Variants in TGM4 observed in about 807,000 individuals in gnomAD.
The protein encoded by TGM4 is protein-glutamine gamma-glutamyltransferase 4.
TGM4 carries 61 observed loss-of-function variants against 76.3 expected under a neutral mutation model. That is an observed-to-expected ratio of 0.80 (90% CI 0.65 to 0.99). The LOEUF (loss-of-function observed/expected upper bound fraction) is 0.99, where lower values mean the gene tolerates loss of function less well. TGM4 is among the 50% of genes least tolerant of loss of function. TGM4 has a pLI of 0.00. For missense variants in TGM4, 794 were observed against 843.2 expected (o/e 0.94, Z 0.72); for synonymous variants, 337 against 329.8 (o/e 1.02, Z -0.24).
chr3:44,909,775 A>G (rs1365916530), intron 10 of TGM4, among the ~76,000 whole-genome samples: 1 of 152,212 alleles, frequency 6.6e-6, no homozygotes, highest in Non-Finnish European at 1.5e-5. Flanking sequence ...TGCTCCTTAG[A>G]TTATTATAAG....
Position 44,903,945 on chromosome 3 carries a change from G to C in TGM4, c.1033G>C (p.Gly345Arg). ...ACCGGATCTGCCCAAGGGCTACGAC[G>C]GCTGGCAGGCTGTGGACGCAACGCC... ...KRPDLPKGYDGWQAVDATPQE... is the reference protein window; with the variant it reads ...KRPDLPKGYDRWQAVDATPQE... The change falls in exon 9 of 14, where the codon GGC becomes CGC. Residue 345 changes from glycine (G) to arginine (R), a missense_variant. Transcript: ENST00000296125. 1 of 1,614,166 alleles carries C rather than the reference G, an allele frequency of 6.2e-7. No homozygotes were observed. Among genetic ancestry groups the C allele is most frequent in the Non-Finnish European group, 8.5e-7 (1 of 1,180,046 alleles).
At chr3:44,912,962 T>C (rs1700024280) in intron 13 of TGM4, among the ~76,000 whole-genome samples, 2 of 152,266 alleles carry the variant, frequency 1.3e-5, no homozygotes, top group African/African-American at 4.8e-5. Context: ...GTTTTGTTTC[T>C]GAGAGGTTTC....
chr3:44,889,126 T>A (rs1367553431), intron 3 of TGM4: 3 of 121,988 alleles, frequency 2.5e-5, no homozygotes, highest in Non-Finnish European at 1.6e-5. Context: ...CAGTAAGAGG[T>A]AGAGCTGGCC....
In TGM4 at chr3:44,885,527, C is replaced by G. The variant is rs546645441; in HGVS notation, c.193+29C>G. The G allele has an allele frequency of 1.8e-4, 294 of 1,595,268 alleles. 2 individuals carry two copies. The South Asian group carries it at 3.1e-3, about 17-fold the overall frequency. On this transcript the variant is annotated intron_variant, in intron 2 of 13. Coordinates refer to ENST00000296125, the MANE Select transcript of TGM4 (RefSeq NM_003241.4). ...AAGCCTCGGGGCCCTACTCATGGGG[C>G]TTTGGGGAGGGATCACAAGTGTCTG... is the stretch of plus-strand genomic sequence containing the variant.
chr3:44,889,332 A>G (rs76641342), intron 3 of TGM4, among the ~76,000 whole-genome samples: 3,118 of 152,246 alleles, frequency 0.02, 54 homozygotes, highest in Middle Eastern at 0.065. Flanking sequence ...CGCCAGCACC[A>G]GCTTCTCTCC....
intron 1 of TGM4, among the ~76,000 whole-genome samples, chr3:44,883,439 T>C (rs1699558945): frequency 6.6e-6 from 1 of 152,330 alleles, no homozygotes; most frequent in East Asian, 1.9e-4. Flanking sequence ...CCTCACCAGA[T>C]GCTAGTGCCT....
At chr3:44,885,237 G>A in intron 1 of TGM4, 88 bp from the exon 2 acceptor site, 10 of 1,379,938 alleles carry the variant, frequency 7.2e-6, no homozygotes, top group Non-Finnish European at 8.9e-6. Flanking sequence ...CCACCTCAAT[G>A]CACTCTCAGA....
chr3:44,906,817 G>C, intron 9 of TGM4, 132 bp from the exon 10 acceptor site: 1 of 1,145,322 alleles, frequency 8.7e-7, no homozygotes, highest in Non-Finnish European at 1.3e-6. Flanking sequence ...TAGGAAATGA[G>C]TACCCAGATG....
chr3:44,876,263 C>G (rs191226411), intron 1 of TGM4, among the ~76,000 whole-genome samples: 3 of 152,370 alleles, frequency 2.0e-5, no homozygotes, highest in Admixed American at 2.0e-4. Flanking sequence ...ATCTCCTGGC[C>G]ACCAGTGTTG....
chr3:44,910,673 A>T (rs1481337697), intron 11 of TGM4, among the ~76,000 whole-genome samples: 1 of 152,198 alleles, frequency 6.6e-6, no homozygotes, highest in African/African-American at 2.4e-5. Context: ...GCCCAGTCAG[A>T]TCAATGATTA....
chr3:44,896,849 T>C (rs768013237), intron 6 of TGM4, 33 bp downstream of exon 6: 1 of 1,579,070 alleles, frequency 6.3e-7, no homozygotes, highest in Non-Finnish European at 8.7e-7. Context: ...GATGCTGTCT[T>C]GTACTTGCCA....
rs891016078 is a variant in TGM4 at position 44,883,611 on chromosome 3, T to A, written c.20-1714T>A. ...TTTCAGCCCAAGAAGGGGAAGCACC[T>A]GGGAAGGTAGGTCTGTCTGCCAGGT... On this transcript the variant is annotated intron_variant, in intron 1 of 13. Transcript: ENST00000296125. Among the ~76,000 whole-genome samples the A allele has an allele frequency of 4.6e-5, 7 of 152,350 alleles. No homozygotes were observed. In the East Asian group the frequency reaches 1.3e-3, roughly 29 times the overall value.
In TGM4 at chr3:44,901,814, C is replaced by A. The variant is rs747248704; in HGVS notation, c.854C>A (p.Pro285Gln). 1.9e-6 allele frequency: 3 copies of A among 1,614,032 alleles called. No homozygotes were observed. The African/African-American group carries it at 4.0e-5, about 22-fold the overall frequency. The change falls in exon 8 of 14, where the codon CCA becomes CAA. Residue 285 changes from proline (P) to glutamine (Q), a missense_variant. Coordinates refer to ENST00000296125, the MANE Select transcript of TGM4 (RefSeq NM_003241.4). ...LTTVLRALGI[P>Q]ARSVTGFDSA... ...TCAGTGCTGAGAGCGTTGGGCATCC[C>A]AGCACGCAGTGTGACAGGCTTCGAT...
At chr3:44,911,204 CCT>C (rs1700001149) in intron 12 of TGM4, 64 bp from the exon 13 acceptor site, 2 of 1,610,718 alleles carry the variant, frequency 1.2e-6, no homozygotes, top group Non-Finnish European at 1.7e-6. Context: ...CCCTAAGAAC[CCT>C]GAGGGTCCTT....
intron 2 of TGM4, 51 bp downstream of exon 2, chr3:44,885,549 T>A (rs1341060713): frequency 2.5e-6 from 4 of 1,571,992 alleles, no homozygotes. Context: ...ATCACAAGTG[T>A]CTGTGGATGC....
chr3:44,912,857 T>C (rs1398076253), intron 13 of TGM4, among the ~76,000 whole-genome samples: 1 of 152,248 alleles, frequency 6.6e-6, no homozygotes, highest in Non-Finnish European at 1.5e-5. Flanking sequence ...GAATGGAATA[T>C]TTTTCATTGT....
chr3:44,885,956 TA>T (rs1225928992), intron 2 of TGM4, among the ~76,000 whole-genome samples: 14 of 152,290 alleles, frequency 9.2e-5, no homozygotes, highest in South Asian at 2.1e-4. Context: ...TAAGTACAAC[TA>T]GGGGAAGAGA....
chr3:44,902,293 G>A (rs970435488), intron 8 of TGM4, among the ~76,000 whole-genome samples: 4 of 152,192 alleles, frequency 2.6e-5, no homozygotes, highest in Non-Finnish European at 5.9e-5. Context: ...GGAATCACCT[G>A]GGGGTGATTG....
chr3:44,908,176 T>C (rs1434658754), intron 10 of TGM4, among the ~76,000 whole-genome samples: 1 of 152,210 alleles, frequency 6.6e-6, no homozygotes, highest in Non-Finnish European at 1.5e-5. Flanking sequence ...AAGTGATTGA[T>C]GGCTACCAAG....
Sources: gnomAD v4.1 joint callset for allele counts (sites outside exome capture counted in the v4.1 genomes callset) on GRCh38, gnomAD v4.1.1 for gene constraint, MANE v1.5 for transcripts, NCBI Gene and HGNC (gene_info 2026-07-23, HGNC 2026-07-21) for gene names.